The following NALF1 variants were observed in gnomAD, a reference collection of about 807,000 sequenced individuals.
The protein encoded by NALF1 is NALCN channel auxiliary factor 1, also known as family with sequence similarity 155 member A.
NALF1 carries 3 observed loss-of-function variants against 48.4 expected under a neutral mutation model. That is an observed-to-expected ratio of 0.06 (90% CI 0.03 to 0.16). The LOEUF is 0.16. Among genes scored for constraint, NALF1 ranks in the 10% least tolerant of loss-of-function variants. The pLI is 1.00. For synonymous variants in NALF1, 262 were observed against 245.7 expected (o/e 1.07, Z -0.62); for missense variants, 526 against 571.5 (o/e 0.92, Z 0.81).
intron 1 of NALF1, among the ~76,000 whole-genome samples, chr13:107,631,247 T>G (rs1256608061): frequency 6.6e-6 from 1 of 152,108 alleles, no homozygotes; most frequent in East Asian, 1.9e-4. Flanking sequence ...TAATAAGACC[T>G]GCCAAGATTG....
intron 1 of NALF1, among the ~76,000 whole-genome samples, chr13:107,620,001 GTTCA>G (rs1218389563): frequency 6.6e-6 from 1 of 152,010 alleles, no homozygotes; most frequent in African/African-American, 2.4e-5. Context: ...TTTTTTGTGT[GTTCA>G]TTATTATGTA....
intron 1 of NALF1, among the ~76,000 whole-genome samples, chr13:107,223,372 C>T (rs1359689473): frequency 1.3e-5 from 2 of 152,038 alleles, no homozygotes; most frequent in Admixed American, 6.6e-5. Flanking sequence ...GTTCCACCAA[C>T]TTTTGTGGAC....
At chr13:107,276,955 A>G (rs1881293729) in intron 1 of NALF1, among the ~76,000 whole-genome samples, 2 of 152,176 alleles carry the variant, frequency 1.3e-5, no homozygotes, top group African/African-American at 2.4e-5. Context: ...AGAGAAAAAT[A>G]TTGTTCAAAT....
At chr13:107,609,225 T>G (rs975294342) in intron 1 of NALF1, among the ~76,000 whole-genome samples, 6 of 152,062 alleles carry the variant, frequency 3.9e-5, no homozygotes, top group Admixed American at 1.3e-4. Context: ...CTAGAATTCT[T>G]CCTCCCCTCT....
intron 1 of NALF1, among the ~76,000 whole-genome samples, chr13:107,854,566 T>C (rs1245050466): frequency 2.0e-5 from 3 of 152,226 alleles, no homozygotes; most frequent in Non-Finnish European, 4.4e-5. Flanking sequence ...TTATTACCCA[T>C]GCCTTTTTAA....
intron 1 of NALF1, among the ~76,000 whole-genome samples, chr13:107,551,827 G>T (rs1254731767): frequency 1.3e-5 from 2 of 151,894 alleles, no homozygotes; most frequent in South Asian, 2.1e-4. Context: ...TTCTAACAAG[G>T]TTATTTATTA....
chr13:107,651,356 G>A (rs17363863), intron 1 of NALF1, among the ~76,000 whole-genome samples: 72,975 of 151,950 alleles, frequency 0.48, 17,682 homozygotes, highest in East Asian at 0.66. Context: ...ACACAACGTC[G>A]AAATGTCAGG....
chr13:107,182,656 A>G (rs975363476), intron 2 of NALF1, among the ~76,000 whole-genome samples: 2 of 152,210 alleles, frequency 1.3e-5, no homozygotes, highest in African/African-American at 4.8e-5. Context: ...TCCTTTAAAA[A>G]ATCGCACACA....
chr13:107,500,546 C>T (rs1875488001), intron 1 of NALF1, among the ~76,000 whole-genome samples: 2 of 150,612 alleles, frequency 1.3e-5, no homozygotes, highest in East Asian at 2.0e-4. Context: ...GTCAGTGTGG[C>T]GATTCCTCAG....
chr13:107,583,317 A>G (rs937391773), intron 1 of NALF1, among the ~76,000 whole-genome samples: 1 of 152,176 alleles, frequency 6.6e-6, no homozygotes, highest in African/African-American at 2.4e-5. Flanking sequence ...GTCTAAATAA[A>G]TGTTCAAATA....
chr13:107,614,244 C>A (rs1029508538), intron 1 of NALF1, among the ~76,000 whole-genome samples: 33 of 152,136 alleles, frequency 2.2e-4, no homozygotes, highest in Non-Finnish European at 5.9e-5. Context: ...TCATTTTAAG[C>A]AACCTAATAA....
At chr13:107,830,562 T>G (rs1422362334) in intron 1 of NALF1, among the ~76,000 whole-genome samples, 2 of 152,232 alleles carry the variant, frequency 1.3e-5, no homozygotes, top group Admixed American at 1.3e-4. Flanking sequence ...TCATGTCTTT[T>G]GGCCATTTGT....
intron 1 of NALF1, among the ~76,000 whole-genome samples, chr13:107,848,796 C>A (rs1180264991): frequency 6.6e-6 from 1 of 152,080 alleles, no homozygotes; most frequent in Non-Finnish European, 1.5e-5. Context: ...ATATTTGATA[C>A]TAAATGATTT....
intron 1 of NALF1, among the ~76,000 whole-genome samples, chr13:107,438,866 GT>G (rs1226775193): frequency 9.4e-6 from 1 of 106,510 alleles, no homozygotes; most frequent in Non-Finnish European, 2.1e-5. Flanking sequence ...AATATAAAGG[GT>G]GTCGATGTTT....
chr13:107,560,750 A>G (rs566049547), intron 1 of NALF1, among the ~76,000 whole-genome samples: 1 of 152,280 alleles, frequency 6.6e-6, no homozygotes, highest in East Asian at 1.9e-4. Context: ...TGCCAAGGCC[A>G]TTTATTTTTA....
At chr13:107,419,806 C>T (rs1884155633) in intron 1 of NALF1, among the ~76,000 whole-genome samples, 1 of 152,148 alleles carries the variant, frequency 6.6e-6, no homozygotes, top group African/African-American at 2.4e-5. Flanking sequence ...TAAACTATTT[C>T]TCTGACAGTG....
chr13:107,177,404 T>C (rs1878961039), intron 2 of NALF1, among the ~76,000 whole-genome samples: 2 of 152,122 alleles, frequency 1.3e-5, no homozygotes. Flanking sequence ...ATTCTAAAAT[T>C]TATATGGAAC....
chr13:107,193,617 C>T (rs561745012), intron 2 of NALF1, among the ~76,000 whole-genome samples: 2 of 152,192 alleles, frequency 1.3e-5, no homozygotes, highest in South Asian at 4.2e-4. Context: ...TAATCTAACC[C>T]CTCCCACATG....
At chr13:107,565,352 T>G (rs1462602852) in intron 1 of NALF1, among the ~76,000 whole-genome samples, 1 of 131,832 alleles carries the variant, frequency 7.6e-6, no homozygotes, top group Non-Finnish European at 1.5e-5. Context: ...GCCACTGCAC[T>G]CCAGTCTGGG....
Sources: allele counts gnomAD v4.1 joint callset (sites outside exome capture counted in the v4.1 genomes callset), GRCh38; gene constraint gnomAD v4.1.1; transcripts MANE v1.5; gene names NCBI Gene and HGNC (gene_info 2026-07-23, HGNC 2026-07-21).